The following REPS2 variants were observed in gnomAD, a reference collection of about 807,000 sequenced individuals.
REPS2 encodes RALBP1 associated Eps domain containing 2.
REPS2 carries 23 observed loss-of-function variants against 53.6 expected under a neutral mutation model. That is an observed-to-expected ratio of 0.43 (90% CI 0.31 to 0.61). The LOEUF is 0.61. Among genes scored for constraint, REPS2 ranks in the 20% least tolerant of loss-of-function variants. The pLI is 0.11. For synonymous variants in REPS2, 238 were observed against 218.6 expected (o/e 1.09, Z -0.78); for missense variants, 446 against 534.9 (o/e 0.83, Z 1.64).
At chrX:17,089,510 A>G (rs1742003060) in intron 13 of REPS2, among the ~76,000 whole-genome samples, 3 of 112,147 alleles carry the variant, frequency 2.7e-5, no homozygotes, top group South Asian at 7.3e-4. Context: ...CAGCACTCCA[A>G]TAATACTGCA....
intron 2 of REPS2, among the ~76,000 whole-genome samples, chrX:17,011,263 G>A (rs1004561712): frequency 9.0e-6 from 1 of 111,613 alleles, no homozygotes; most frequent in Non-Finnish European, 1.9e-5. Flanking sequence ...CCCCACCCTC[G>A]TCTGAGTTGG....
At chrX:17,016,760 CTTTTTTTTTT>C (rs139092298) in intron 2 of REPS2, among the ~76,000 whole-genome samples, 6 of 63,665 alleles carry the variant, frequency 9.4e-5, no homozygotes, top group South Asian at 9.4e-4. Context: ...TTTCTTTTTT[CTTTTTTTTTT>C]TTTTTTTTTT....
chrX:17,183,281 T>C, the REPS2 span, among the ~76,000 whole-genome samples: 1 of 112,455 alleles, frequency 8.9e-6, no homozygotes, highest in Non-Finnish European at 1.9e-5. Context: ...GAAAACTTCA[T>C]ATGCCTATTA....
At position 17,041,758 on chromosome X, in the gene REPS2, T is replaced by C. The variant is rs1483244431; in HGVS notation, c.772-5589T>C. 2.7e-5 allele frequency among the ~76,000 whole-genome samples: 3 copies of C among 112,144 alleles called. No homozygotes were observed. In the East Asian group the frequency reaches 8.4e-4, roughly 31 times the overall value. On this transcript the variant is annotated intron_variant, in intron 5 of 17. Coordinates refer to ENST00000357277, the MANE Select transcript of REPS2 (RefSeq NM_004726.3). ...TCTAAAACAGCATTTATAGGATGCCTTCGGGGTAGGTTTATATTTTAAACA... is the reference window on the plus strand; with the variant it reads ...TCTAAAACAGCATTTATAGGATGCCCTCGGGGTAGGTTTATATTTTAAACA...
intron 7 of REPS2, 71 bp downstream of exon 7, chrX:17,052,516 A>AT (rs1300358049): frequency 1.1e-5 from 9 of 825,562 alleles, no homozygotes; most frequent in Non-Finnish European, 1.6e-5. Flanking sequence ...CTACCTTTGC[A>AT]TTTTTTAAAG....
At chrX:17,181,757 CTCTT>C in the REPS2 span, among the ~76,000 whole-genome samples, 1 of 112,315 alleles carries the variant, frequency 8.9e-6, no homozygotes, top group African/African-American at 3.2e-5. Flanking sequence ...TCCATAATCA[CTCTT>C]TCTCTTAAAC....
intron 17 of REPS2, among the ~76,000 whole-genome samples, chrX:17,145,284 A>T (rs2063498236): frequency 9.0e-6 from 1 of 111,494 alleles, no homozygotes; most frequent in African/African-American, 3.3e-5. Context: ...AGATGATGTT[A>T]TATGGTCTCA....
chrX:17,097,954 A>T (rs998608238), intron 13 of REPS2, among the ~76,000 whole-genome samples: 13 of 111,621 alleles, frequency 1.2e-4, no homozygotes, highest in Non-Finnish European at 2.3e-4. Context: ...TCTCCTGGGA[A>T]AATTTTTATT....
At chrX:17,006,158 C>G in intron 1 of REPS2, 63 bp from the exon 2 acceptor site, 2 of 1,163,718 alleles carry the variant, frequency 1.7e-6, no homozygotes, top group Non-Finnish European at 2.3e-6. Context: ...TCATCATGTA[C>G]CTTGTCTCAT....
intron 9 of REPS2, among the ~76,000 whole-genome samples, chrX:17,063,348 G>A (rs1249761215): frequency 8.9e-6 from 1 of 111,851 alleles, no homozygotes; most frequent in African/African-American, 3.3e-5. Flanking sequence ...CAAGATGATA[G>A]AAGTCAAAGT....
chrX:17,058,102 C>T (rs2062099504), intron 8 of REPS2, among the ~76,000 whole-genome samples: 1 of 111,593 alleles, frequency 9.0e-6, no homozygotes, highest in African/African-American at 3.3e-5. Context: ...TGCCATGACT[C>T]CTTATTTGAT....
chrX:17,170,967 G>A, the REPS2 span, among the ~76,000 whole-genome samples: 4,056 of 112,841 alleles, frequency 0.036, 195 homozygotes, highest in African/African-American at 0.12. Context: ...GGCCAGGTCT[G>A]TCTTAGACAG....
At chrX:17,050,198 T>TTTCTTTCCTTCTTTC (rs2061977971) in intron 6 of REPS2, among the ~76,000 whole-genome samples, 1 of 22,966 alleles carries the variant, frequency 4.4e-5, no homozygotes, top group Non-Finnish European at 7.1e-5. Flanking sequence ...TTCTTTCTTT[T>TTTCTTTCCTTCTTTC]TTTTTTTTTT....
At chrX:16,994,800 A>T (rs756822603) in intron 1 of REPS2, among the ~76,000 whole-genome samples, 1 of 111,554 alleles carries the variant, frequency 9.0e-6, no homozygotes, top group Non-Finnish European at 1.9e-5. Context: ...TGTTCCCCCA[A>T]AGCTATTTAA....
chrX:17,107,629 T>C, intron 14 of REPS2, among the ~76,000 whole-genome samples: 1 of 112,113 alleles, frequency 8.9e-6, no homozygotes, highest in Non-Finnish European at 1.9e-5. Flanking sequence ...ACATCTGGAT[T>C]AAGTTATACA....
Position 17,147,775 on chromosome X carries a change from T to C in REPS2, c.*294T>C. The C allele has an allele frequency of 4.7e-6, 1 of 211,995 alleles. No homozygotes were observed. The highest frequency in any genetic ancestry group is 8.2e-5 in the East Asian group (1 of 12,141). 17.5% of individuals were successfully genotyped at this position (211,995 alleles called of 1,213,427 possible). ...TGCTCCTTACCAAAAATCAGTCTTC[T>C]AGCAAATAAAAATAACTTAGAGCAT... On this transcript the variant is annotated 3_prime_UTR_variant, in exon 18 of 18. Transcript: ENST00000357277.
At chrX:17,123,997 C>T (rs1028084123) in intron 14 of REPS2, among the ~76,000 whole-genome samples, 3 of 112,633 alleles carry the variant, frequency 2.7e-5, no homozygotes, top group African/African-American at 9.7e-5. Context: ...TGTAATTGTG[C>T]TTAGCACACT....
chrX:17,046,137 T>C (rs1489979316), intron 5 of REPS2, among the ~76,000 whole-genome samples: 1 of 108,419 alleles, frequency 9.2e-6, no homozygotes, highest in Non-Finnish European at 1.9e-5. Context: ...TAAAGCCTCA[T>C]CTTTTTTATT....
chrX:17,016,639 C>T (rs1167172895), intron 2 of REPS2, among the ~76,000 whole-genome samples: 2 of 111,389 alleles, frequency 1.8e-5, no homozygotes, highest in African/African-American at 6.5e-5. Flanking sequence ...AAACTCCTGA[C>T]CTCGAATGAT....
Sources: allele counts gnomAD v4.1 joint callset (sites outside exome capture counted in the v4.1 genomes callset), GRCh38; gene constraint gnomAD v4.1.1; transcripts MANE v1.5; gene names NCBI Gene and HGNC (gene_info 2026-07-23, HGNC 2026-07-21).